PIBF1: variants seen among roughly 807,000 people sequenced by gnomAD.
PIBF1 encodes the protein progesterone-induced-blocking factor 1.
Under a neutral mutation model 112.5 loss-of-function variants are expected in PIBF1, and 90 were observed. That is an observed-to-expected ratio of 0.80 (90% CI 0.67 to 0.95). The LOEUF is 0.95. Ranked by LOEUF, PIBF1 falls within the 40% of genes least tolerant of loss-of-function variation. The pLI is 0.00. For synonymous variants in PIBF1, 301 were observed against 288.6 expected (o/e 1.04, Z -0.44); for missense variants, 915 against 852.3 (o/e 1.07, Z -0.92).
At chr13:72,971,481 CT>C (rs2042890160) in intron 15 of PIBF1, among the ~76,000 whole-genome samples, 2 of 152,066 alleles carry the variant, frequency 1.3e-5, no homozygotes, top group Non-Finnish European at 2.9e-5. Flanking sequence ...CTGTTTTGTT[CT>C]TTTCAACTCC....
intron 12 of PIBF1, among the ~76,000 whole-genome samples, chr13:72,915,046 C>T (rs1345450979): frequency 6.6e-6 from 1 of 151,914 alleles, no homozygotes; most frequent in Non-Finnish European, 1.5e-5. Flanking sequence ...TTTAAAAATA[C>T]AATATAACAA....
intron 1 of PIBF1, among the ~76,000 whole-genome samples, chr13:72,782,743 C>T (rs2034346831): frequency 6.6e-6 from 1 of 152,014 alleles, no homozygotes; most frequent in African/African-American, 2.4e-5. Flanking sequence ...TGTTTTCATT[C>T]TGCTATCTAT....
intron 10 of PIBF1, among the ~76,000 whole-genome samples, chr13:72,867,570 A>G (rs1221021033): frequency 6.6e-6 from 1 of 152,208 alleles, no homozygotes; most frequent in Non-Finnish European, 1.5e-5. Context: ...TTTTATGCAG[A>G]TGAGTAAACT....
chr13:72,981,138 G>C (rs1035086969), intron 16 of PIBF1, among the ~76,000 whole-genome samples: 2 of 151,706 alleles, frequency 1.3e-5, no homozygotes, highest in East Asian at 3.9e-4. Context: ...CCAGCTACTC[G>C]GGAGCCTGCG....
chr13:72,948,269 C>T lies in PIBF1; in HGVS notation c.1833+17002C>T, dbSNP rs186110896. ...ATTTCTTCCCCCAGATACCCTAAATCATCTCTCTCAAGTTCAAAGTTCCAC... is the reference window on the plus strand; with the variant it reads ...ATTTCTTCCCCCAGATACCCTAAATTATCTCTCTCAAGTTCAAAGTTCCAC... On this transcript the variant is annotated intron_variant, in intron 14 of 17. Coordinates refer to ENST00000326291, the MANE Select transcript of PIBF1 (RefSeq NM_006346.4). Among the ~76,000 whole-genome samples, 59 of 152,228 alleles carry T rather than the reference C, an allele frequency of 3.9e-4. 2 individuals carry two copies. Among genetic ancestry groups the T allele is most frequent in the African/African-American group, 1.3e-3 (56 of 41,536 alleles).
intron 16 of PIBF1, among the ~76,000 whole-genome samples, chr13:72,996,909 A>C (rs1432901980): frequency 6.6e-6 from 1 of 152,224 alleles, no homozygotes; most frequent in African/African-American, 2.4e-5. Context: ...GTATTATCCT[A>C]ATAAGAATTT....
At chr13:72,947,656 A>T (rs2042185434) in intron 14 of PIBF1, among the ~76,000 whole-genome samples, 1 of 152,132 alleles carries the variant, frequency 6.6e-6, no homozygotes, top group South Asian at 2.1e-4. Flanking sequence ...AATTAGTTCA[A>T]CCATTGTGGA....
At chr13:73,010,619 TAAAG>T (rs2044167491) in intron 17 of PIBF1, among the ~76,000 whole-genome samples, 1 of 151,542 alleles carries the variant, frequency 6.6e-6, no homozygotes, top group Non-Finnish European at 1.5e-5. Flanking sequence ...AATAAATAAA[TAAAG>T]AACAATGGCA....
chr13:72,824,811 A>G (rs956453192), intron 6 of PIBF1, among the ~76,000 whole-genome samples: 2 of 152,342 alleles, frequency 1.3e-5, no homozygotes, highest in Admixed American at 1.3e-4. Flanking sequence ...TAACCTAGTG[A>G]TCAAAGTTAC....
At chr13:72,986,907 G>A (rs2043308467) in intron 16 of PIBF1, among the ~76,000 whole-genome samples, 1 of 151,936 alleles carries the variant, frequency 6.6e-6, no homozygotes, top group South Asian at 2.1e-4. Flanking sequence ...TAGCCAGGAT[G>A]GTCTCGATCT....
chr13:72,838,519 C>T (rs567562827), intron 9 of PIBF1, among the ~76,000 whole-genome samples: 1 of 152,306 alleles, frequency 6.6e-6, no homozygotes, highest in African/African-American at 2.4e-5. Flanking sequence ...CCAGGGGTCC[C>T]TCATGGTCAG....
intron 11 of PIBF1, among the ~76,000 whole-genome samples, chr13:72,896,796 A>G (rs1566419318): frequency 6.6e-6 from 1 of 152,200 alleles, no homozygotes; most frequent in Non-Finnish European, 1.5e-5. Context: ...GAAATTTGGG[A>G]TTATGTTAAA....
At chr13:72,996,412 A>G (rs1199014574) in intron 16 of PIBF1, among the ~76,000 whole-genome samples, 1 of 152,186 alleles carries the variant, frequency 6.6e-6, no homozygotes, top group African/African-American at 2.4e-5. Context: ...ATTGAACTAG[A>G]TTAGGCAGCC....
chr13:72,785,567 A>G (rs548699642), intron 2 of PIBF1, among the ~76,000 whole-genome samples: 5 of 152,306 alleles, frequency 3.3e-5, no homozygotes, highest in East Asian at 3.9e-4. Context: ...GTGAAGCTCC[A>G]AACACTTTCT....
intron 11 of PIBF1, among the ~76,000 whole-genome samples, chr13:72,900,229 C>G (rs2040432818): frequency 6.6e-6 from 1 of 152,090 alleles, no homozygotes; most frequent in Admixed American, 6.6e-5. Flanking sequence ...CACCATCATT[C>G]TTCCCAGAGT....
intron 16 of PIBF1, among the ~76,000 whole-genome samples, chr13:72,998,599 G>A (rs548259662): frequency 4.6e-5 from 7 of 152,270 alleles, no homozygotes; most frequent in African/African-American, 9.6e-5. Context: ...GCAGAAAAAC[G>A]TGGAAACCAC....
At chr13:72,911,123 T>G (rs1375792167) in intron 12 of PIBF1, among the ~76,000 whole-genome samples, 1 of 151,820 alleles carries the variant, frequency 6.6e-6, no homozygotes, top group Non-Finnish European at 1.5e-5. Context: ...GCCTGTAGGG[T>G]GCGATGATCA....
intron 14 of PIBF1, among the ~76,000 whole-genome samples, chr13:72,961,267 ATTCT>A (rs1354943819): frequency 6.6e-6 from 1 of 151,990 alleles, no homozygotes; most frequent in African/African-American, 2.4e-5. Context: ...ACTATCCTTG[ATTCT>A]TTCTGCCTCC....
At chr13:72,930,860 G>A (rs2041675270) in intron 13 of PIBF1, among the ~76,000 whole-genome samples, 1 of 152,136 alleles carries the variant, frequency 6.6e-6, no homozygotes, top group Non-Finnish European at 1.5e-5. Context: ...TTGCTGTATT[G>A]TGGTCTTTTC....
Sources: gnomAD v4.1 joint callset for allele counts (sites outside exome capture counted in the v4.1 genomes callset) on GRCh38, gnomAD v4.1.1 for gene constraint, MANE v1.5 for transcripts, NCBI Gene and HGNC (gene_info 2026-07-23, HGNC 2026-07-21) for gene names.